TREM1: variants seen among roughly 807,000 people sequenced by gnomAD.
TREM1 encodes triggering receptor expressed on myeloid cells 1, also known as triggering receptor expressed on monocytes 1.
Under a neutral mutation model 22.4 loss-of-function variants are expected in TREM1, and 16 were observed. The ratio of observed to expected loss-of-function variants is 0.71; its 90% CI spans 0.48 to 1.08. TREM1 has a LOEUF of 1.08. TREM1 is among the 50% of genes least tolerant of loss of function. TREM1 has a pLI of 0.00. For synonymous variants in TREM1, 110 were observed against 111.6 expected, an observed-to-expected ratio of 0.99 and a Z score of 0.09; for missense variants, 283 against 282.9, an observed-to-expected ratio of 1.00 and a Z score of 0.00.
intron 1 of TREM1, among the ~76,000 whole-genome samples, chr6:41,284,970 G>C (rs886261111): frequency 6.6e-6 from 1 of 152,170 alleles, no homozygotes; most frequent in Non-Finnish European, 1.5e-5. Flanking sequence ...AACCAAGCCT[G>C]GTTCCCTCAT....
chr6:41,268,604 G>A (rs777080674), intron 3 of TREM1, among the ~76,000 whole-genome samples: 1 of 152,178 alleles, frequency 6.6e-6, no homozygotes, highest in Admixed American at 6.5e-5. Flanking sequence ...GAATGTCACA[G>A]AGGGGAAGCC....
rs141297942 is a variant in TREM1 at position 41,280,035 on chromosome 6, T to A, written c.599+926A>T. On this transcript the variant is annotated intron_variant, in intron 3 of 3. Coordinates refer to ENST00000244709, the MANE Select transcript of TREM1 (RefSeq NM_018643.5). Reference sequence around the variant, plus strand: ...GAAAAATATGCACTCATTGAAATTATATTTATGAAATTTAGGTAGCAGCAT... The same window carrying A: ...GAAAAATATGCACTCATTGAAATTAAATTTATGAAATTTAGGTAGCAGCAT... 4.1e-6 allele frequency: 4 copies of A among 976,892 alleles called. No individual in the cohort carries two copies. In the East Asian group the frequency reaches 4.5e-4, roughly 111 times the overall value. The allele number at this position is 976,892 out of a possible 1,614,324, so 60.5% of individuals were successfully genotyped here. A position where few individuals can be genotyped will look rare whatever the true frequency, so the allele number is the denominator to read the frequency against.
At chr6:41,272,150 G>A (rs1011654492), downstream of TREM1, among the ~76,000 whole-genome samples, 2 of 152,150 alleles carry the variant, frequency 1.3e-5, no homozygotes, top group African/African-American at 4.8e-5. Flanking sequence ...AACAGCTCAG[G>A]AAGATGCAGA....
intron 3 of TREM1, 86 bp downstream of exon 3, chr6:41,280,875 C>A (rs1433227880): frequency 1.3e-5 from 21 of 1,599,676 alleles, no homozygotes; most frequent in Non-Finnish European, 1.8e-5. Context: ...TCCCCTTTCC[C>A]TCACTTTCAC....
chr6:41,277,072 TA>T lies in TREM1; in HGVS notation c.600-843del, dbSNP rs3842496. 2.4e-4 allele frequency among the ~76,000 whole-genome samples: 36 copies of T among 147,676 alleles called. 1 individual carries two copies. Among genetic ancestry groups the T allele is most frequent in the South Asian group, 8.6e-4 (4 of 4,666 alleles). On this transcript the variant is annotated intron_variant, in intron 3 of 3. Transcript: ENST00000244709. Reference sequence around the variant, plus strand: ...CCCCGGACTAAACATTTAAATAAAATAAAAAAAAAACAATCCAAGAAAAGTC... The same window carrying T: ...CCCCGGACTAAACATTTAAATAAAATAAAAAAAAACAATCCAAGAAAAGTC...
At chr6:41,272,429 G>A (rs1051720018), downstream of TREM1, among the ~76,000 whole-genome samples, 1 of 152,282 alleles carries the variant, frequency 6.6e-6, no homozygotes, top group South Asian at 2.1e-4. Flanking sequence ...CCAAGGCCGG[G>A]TTCAAGCCTT....
At position 41,286,411 on chromosome 6, in the gene TREM1, C is replaced by T. The variant is rs536171276; in HGVS notation, c.49+196G>A. Reference sequence around the variant, plus strand: ...TCGACATGCACAGACATCTTTTTTCCCTGACTCTCTCCTTCTTTTACTTTT... The same window carrying T: ...TCGACATGCACAGACATCTTTTTTCTCTGACTCTCTCCTTCTTTTACTTTT... On this transcript the variant is annotated intron_variant, in intron 1 of 3. Coordinates refer to ENST00000244709, the MANE Select transcript of TREM1 (RefSeq NM_018643.5). 7.2e-5 allele frequency among the ~76,000 whole-genome samples: 11 copies of T among 152,244 alleles called. No homozygotes were observed. In the South Asian group the frequency reaches 2.3e-3, roughly 32 times the overall value.
downstream of TREM1, among the ~76,000 whole-genome samples, chr6:41,272,178 G>A (rs1434993408): frequency 6.7e-6 from 1 of 149,974 alleles, no homozygotes; most frequent in African/African-American, 2.5e-5. Flanking sequence ...AGGCAGGCTG[G>A]CCACCCTTGT....
rs1164941583 is a variant in TREM1, at chr6:41,274,216, T to A, written c.*1909A>T. Among the ~76,000 whole-genome samples, 9 of 152,174 alleles carry A rather than the reference T, an allele frequency of 5.9e-5. No homozygotes were observed. The highest frequency in any genetic ancestry group is 2.2e-4 in the African/African-American group (9 of 41,422). On this transcript the variant is annotated 3_prime_UTR_variant, in exon 4 of 4. Coordinates refer to ENST00000244709, the MANE Select transcript of TREM1 (RefSeq NM_018643.5). ...GGGCTTTGGTAAGGAGTGTAATGAC[T>A]TTTTGGAAACAAGCTTGAGATCCAC... is the stretch of plus-strand genomic sequence containing the variant.
rs1290095558 is a variant in TREM1, at chr6:41,274,519, C to T, written c.*1606G>A. On this transcript the variant is annotated 3_prime_UTR_variant, in exon 4 of 4. Coordinates refer to ENST00000244709, the MANE Select transcript of TREM1 (RefSeq NM_018643.5). Reference sequence around the variant, plus strand: ...ATTATTATAAACACTGCATCCTGTACAGTCACTGCCTCTGAGCTGCTTGGT... The same window carrying T: ...ATTATTATAAACACTGCATCCTGTATAGTCACTGCCTCTGAGCTGCTTGGT... Among the ~76,000 whole-genome samples, 1 of 152,102 alleles carries T rather than the reference C, an allele frequency of 6.6e-6. No homozygotes were observed. Among genetic ancestry groups the T allele is most frequent in the Non-Finnish European group, 1.5e-5 (1 of 68,026 alleles).
chr6:41,280,524 A>G (rs1767860964), intron 3 of TREM1: 2 of 1,065,148 alleles, frequency 1.9e-6, no homozygotes, highest in Admixed American at 4.8e-5. Context: ...TTGGGTTTCT[A>G]CCATGCCTAC....
intron 1 of TREM1, among the ~76,000 whole-genome samples, 158 bp downstream of exon 1, chr6:41,286,449 T>C (rs1445293072): frequency 6.6e-6 from 1 of 152,176 alleles, no homozygotes; most frequent in Non-Finnish European, 1.5e-5. Flanking sequence ...GTGCAGACAC[T>C]GCATGTTCTC....
intron 3 of TREM1, among the ~76,000 whole-genome samples, chr6:41,268,527 G>T (rs1453052139): frequency 6.6e-6 from 1 of 152,200 alleles, no homozygotes; most frequent in East Asian, 1.9e-4. Flanking sequence ...TTTGCTACAT[G>T]TGAAATATAG....
rs780834156 is a variant in TREM1, at chr6:41,282,412, C to T, written c.389G>A (p.Arg130His). Residue 130 changes from arginine (R) to histidine (H), a missense_variant, in exon 2 of 4, where the codon CGC (arginine) becomes CAC (histidine). Coordinates refer to ENST00000244709, the MANE Select transcript of TREM1 (RefSeq NM_018643.5). ...KEPHMLFDRIRLVVTKGFSGT... is the reference protein window; with the variant it reads ...KEPHMLFDRIHLVVTKGFSGT... ...CCACTCACCCTTGGTCACCACCAAG[C>T]GGATGCGATCGAACAGCATGTGAGG... 2.0e-5 allele frequency: 33 copies of T among 1,611,118 alleles called. No homozygotes were observed. Among genetic ancestry groups the T allele is most frequent in the South Asian group, 8.8e-5 (8 of 90,838 alleles).
chr6:41,285,311 T>C (rs1412100250), intron 1 of TREM1, among the ~76,000 whole-genome samples: 2 of 152,192 alleles, frequency 1.3e-5, no homozygotes, highest in African/African-American at 4.8e-5. Context: ...CTATTAAGTA[T>C]TATGTGCTAA....
chr6:41,279,442 C>G, intron 3 of TREM1: 1 of 860,092 alleles, frequency 1.2e-6, no homozygotes, highest in South Asian at 5.3e-5. Context: ...TAAGGCCCTC[C>G]TTCCGGTAAA....
chr6:41,279,672 C>A, intron 3 of TREM1: 4 of 985,408 alleles, frequency 4.1e-6, no homozygotes, highest in Non-Finnish European at 4.8e-6. Context: ...GAGCAGGCAC[C>A]AGTTCACATT....
chr6:41,272,637 T>C (rs1276439769), downstream of TREM1, among the ~76,000 whole-genome samples: 1 of 151,984 alleles, frequency 6.6e-6, no homozygotes, highest in Non-Finnish European at 1.5e-5. Context: ...GGAGTCCAAG[T>C]TGACCATGTC....
downstream of TREM1, among the ~76,000 whole-genome samples, chr6:41,273,455 G>T (rs535765288): frequency 8.5e-5 from 13 of 152,210 alleles, no homozygotes; most frequent in Non-Finnish European, 1.6e-4. Flanking sequence ...AAGCCCAGAA[G>T]GTTAACTGAG....
Sources: allele counts gnomAD v4.1 joint callset (sites outside exome capture counted in the v4.1 genomes callset), GRCh38; gene constraint gnomAD v4.1.1; transcripts MANE v1.5; gene names NCBI Gene and HGNC (gene_info 2026-07-23, HGNC 2026-07-21).